LGSN: variants seen among roughly 807,000 people sequenced by gnomAD.
LGSN encodes the protein lengsin.
LGSN carries 21 observed loss-of-function variants against 19.5 expected under a neutral mutation model. The observed-to-expected ratio is 1.07, with a 90% CI of 0.76 to 1.55. The LOEUF is 1.55. Ranked by LOEUF, LGSN falls within the 40% of genes most tolerant of loss-of-function variation. LGSN has a pLI of 0.00. For synonymous variants in LGSN, 257 were observed against 215.6 expected (o/e 1.19, Z -1.68); for missense variants, 673 against 608.5 (o/e 1.11, Z -1.12).
At chr6:63,549,719 A>G in the LGSN span, among the ~76,000 whole-genome samples, 1 of 152,120 alleles carries the variant, frequency 6.6e-6, no homozygotes, top group African/African-American at 2.4e-5. Flanking sequence ...AAAGTTAAAC[A>G]CAGATTGTTC....
the LGSN span, among the ~76,000 whole-genome samples, chr6:63,468,941 G>T: frequency 6.5e-3 from 981 of 151,992 alleles, 4 homozygotes; most frequent in Non-Finnish European, 0.011. Flanking sequence ...TAGAGATGGG[G>T]TTTCACCATG....
At chr6:63,282,599 T>C (rs1364808629) in intron 3 of LGSN, among the ~76,000 whole-genome samples, 1 of 152,224 alleles carries the variant, frequency 6.6e-6, no homozygotes, top group Non-Finnish European at 1.5e-5. Context: ...CAAAGTAATT[T>C]ACTGGTTCAC....
chr6:63,358,548 AT>A, the LGSN span, among the ~76,000 whole-genome samples: 1 of 152,224 alleles, frequency 6.6e-6, no homozygotes, highest in South Asian at 2.1e-4. Flanking sequence ...GGTCCTTCAC[AT>A]CCCTTGTAAG....
the LGSN span, among the ~76,000 whole-genome samples, chr6:63,359,779 A>T: frequency 6.6e-6 from 1 of 151,882 alleles, no homozygotes; most frequent in Non-Finnish European, 1.5e-5. Flanking sequence ...CTTTTCAAAA[A>T]CCCAGTTCCT....
chr6:63,365,609 C>G, the LGSN span, among the ~76,000 whole-genome samples: 1 of 118,172 alleles, frequency 8.5e-6, no homozygotes, highest in Non-Finnish European at 1.6e-5. Flanking sequence ...CATCCTGATA[C>G]CAAAGTCTGG....
the LGSN span, among the ~76,000 whole-genome samples, chr6:63,477,025 G>A: frequency 6.6e-6 from 1 of 152,146 alleles, no homozygotes. Flanking sequence ...TAGACAGATG[G>A]AAAATAAGTT....
the LGSN span, among the ~76,000 whole-genome samples, chr6:63,336,181 A>G: frequency 1.3e-5 from 2 of 152,174 alleles, no homozygotes; most frequent in Non-Finnish European, 2.9e-5. Flanking sequence ...TATACAACGC[A>G]TTTTTTAAAA....
the LGSN span, among the ~76,000 whole-genome samples, chr6:63,343,529 G>A: frequency 6.6e-6 from 1 of 152,166 alleles, no homozygotes; most frequent in Non-Finnish European, 1.5e-5. Context: ...ATCTAGGCCT[G>A]GCAGATGACA....
the LGSN span, among the ~76,000 whole-genome samples, chr6:63,522,431 C>A: frequency 4.6e-5 from 7 of 152,010 alleles, no homozygotes; most frequent in Admixed American, 6.6e-5. Context: ...ATCAGGGGAC[C>A]CTAGTTACAA....
At chr6:63,536,168 C>G in the LGSN span, among the ~76,000 whole-genome samples, 19 of 152,150 alleles carry the variant, frequency 1.2e-4, no homozygotes, top group East Asian at 3.3e-3. Context: ...CACGTCTCTA[C>G]CAAAATACAA....
At chr6:63,325,166 G>A in the LGSN span, among the ~76,000 whole-genome samples, 1 of 148,884 alleles carries the variant, frequency 6.7e-6, no homozygotes, top group African/African-American at 2.5e-5. Flanking sequence ...GCACCTTAAG[G>A]AACTTGATTA....
At chr6:63,481,256 T>C in the LGSN span, among the ~76,000 whole-genome samples, 1 of 152,048 alleles carries the variant, frequency 6.6e-6, no homozygotes, top group Non-Finnish European at 1.5e-5. Flanking sequence ...TTAAGTACAA[T>C]ATATGCTACT....
At chr6:63,539,578 C>G in the LGSN span, among the ~76,000 whole-genome samples, 35 of 152,188 alleles carry the variant, frequency 2.3e-4, 1 homozygote, top group Middle Eastern at 6.8e-3. Context: ...GAGTTCAAGA[C>G]CATCCTGGCC....
the LGSN span, among the ~76,000 whole-genome samples, chr6:63,451,623 G>C: frequency 6.6e-6 from 1 of 151,986 alleles, no homozygotes; most frequent in African/African-American, 2.4e-5. Context: ...AGGAGGGAGA[G>C]GATCAGGAAA....
chr6:63,515,712 T>C, the LGSN span, among the ~76,000 whole-genome samples: 1 of 151,990 alleles, frequency 6.6e-6, no homozygotes, highest in Non-Finnish European at 1.5e-5. Context: ...ATGAGAATGA[T>C]TAAAAACCCT....
the LGSN span, among the ~76,000 whole-genome samples, chr6:63,338,327 C>T: frequency 6.6e-6 from 1 of 152,180 alleles, no homozygotes; most frequent in Non-Finnish European, 1.5e-5. Context: ...GTTGGGGGTA[C>T]AGCTACATTT....
chr6:63,349,150 G>A, the LGSN span, among the ~76,000 whole-genome samples: 1 of 151,760 alleles, frequency 6.6e-6, no homozygotes. Context: ...GATTTTCAAA[G>A]AGCTTCTTAC....
the LGSN span, among the ~76,000 whole-genome samples, chr6:63,461,309 T>C: frequency 6.6e-6 from 1 of 152,172 alleles, no homozygotes; most frequent in East Asian, 1.9e-4. Context: ...ACCTCAGCCT[T>C]CCACGGTGCT....
chr6:63,470,630 G>A, the LGSN span, among the ~76,000 whole-genome samples: 18 of 152,018 alleles, frequency 1.2e-4, no homozygotes, highest in East Asian at 1.4e-3. Context: ...ATTTTTATCC[G>A]CACCCATTTC....
Sources: gnomAD v4.1 joint callset for allele counts (sites outside exome capture counted in the v4.1 genomes callset) on GRCh38, gnomAD v4.1.1 for gene constraint, MANE v1.5 for transcripts, NCBI Gene and HGNC (gene_info 2026-07-23, HGNC 2026-07-21) for gene names.